The following NOL8 variants were observed in gnomAD, a reference collection of about 807,000 sequenced individuals.
NOL8 encodes nucleolar protein 8, also known as nucleolar protein Nop132.
Under a neutral mutation model 116.1 loss-of-function variants are expected in NOL8, and 93 were observed. The observed-to-expected ratio is 0.80, with a 90% CI of 0.68 to 0.95. NOL8 has a LOEUF of 0.95. NOL8 is among the 40% of genes least tolerant of loss of function. The pLI is 0.00. For missense variants in NOL8, 1,291 were observed against 1,382.8 expected, an observed-to-expected ratio of 0.93 and a Z score of 1.05; for synonymous variants, 419 against 469.0, an observed-to-expected ratio of 0.89 and a Z score of 1.38.
chr9:92,302,124 T>C (rs1303887964), intron 12 of NOL8, among the ~76,000 whole-genome samples: 1 of 152,124 alleles, frequency 6.6e-6, no homozygotes, highest in Non-Finnish European at 1.5e-5. Flanking sequence ...TACACCTAGG[T>C]ATAAGTAAGG....
chr9:92,320,970 T>C (rs1481309322), intron 4 of NOL8, among the ~76,000 whole-genome samples: 1 of 152,244 alleles, frequency 6.6e-6, no homozygotes, highest in East Asian at 1.9e-4. Flanking sequence ...CTTTTCTTCC[T>C]GAAAATACCT....
intron 9 of NOL8, 87 bp downstream of exon 9, chr9:92,310,466 A>C: frequency 7.0e-7 from 1 of 1,429,052 alleles, no homozygotes; most frequent in East Asian, 2.3e-5. Flanking sequence ...ATGTAGGTTA[A>C]GGTCTGCCTG....
At chr9:92,306,196 G>T (rs969671500) in intron 11 of NOL8, among the ~76,000 whole-genome samples, 1 of 152,084 alleles carries the variant, frequency 6.6e-6, no homozygotes, top group Non-Finnish European at 1.5e-5. Context: ...GTTTCACCAT[G>T]TTGGCCAGGC....
At chr9:92,301,247 CTT>C (rs1393210563) in intron 13 of NOL8, among the ~76,000 whole-genome samples, 9 of 152,212 alleles carry the variant, frequency 5.9e-5, no homozygotes, top group African/African-American at 2.2e-4. Context: ...ATACAAAGCT[CTT>C]TATGTGATTT....
At chr9:92,317,205 C>A (rs1021635324) in intron 6 of NOL8, among the ~76,000 whole-genome samples, 2 of 152,174 alleles carry the variant, frequency 1.3e-5, no homozygotes, top group Non-Finnish European at 2.9e-5. Flanking sequence ...TCAAGTGATC[C>A]CCCAGTGGCC....
rs575444713 is a variant in NOL8 at position 92,306,288 on chromosome 9, C to T, written c.2826-458G>A. ...GGATCACAGGTGTGAGCCACCATGC[C>T]CAGCCGAAAAAATATTTTAAACTAC... On this transcript the variant is annotated intron_variant, in intron 11 of 16. Coordinates refer to ENST00000442668, the MANE Select transcript of NOL8 (RefSeq NM_017948.6). 3.3e-4 allele frequency among the ~76,000 whole-genome samples: 51 copies of T among 152,262 alleles called. 1 individual carries two copies. Among genetic ancestry groups the T allele is most frequent in the South Asian group, 8.3e-4 (4 of 4,828 alleles).
At position 92,305,780 on chromosome 9, in the gene NOL8, C is replaced by T. The variant is rs370385025; in HGVS notation, c.2876G>A (p.Arg959Lys). Residue 959 changes from arginine (R) to lysine (K), a missense_variant, in exon 12 of 17, where the codon AGA becomes AAA. Coordinates refer to ENST00000442668, the MANE Select transcript of NOL8 (RefSeq NM_017948.6). ...PTKQDHATYE[R>K]KRDDKPKESK... ...TTCTTTTGGCTTATCATCTCTTTTT[C>T]TTTCGTAAGTGGCATGGTCTTGCTT... 1.1e-4 allele frequency: 172 copies of T among 1,612,076 alleles called. No homozygotes were observed. The African/African-American group carries it at 2.1e-3, about 20-fold the overall frequency.
At chr9:92,298,438 C>G in intron 15 of NOL8, 102 bp from the exon 16 acceptor site, 1 of 654,532 alleles carries the variant, frequency 1.5e-6, no homozygotes, top group Non-Finnish European at 2.6e-6. Flanking sequence ...CAGTTAAGAT[C>G]ATTCTTTTCC....
In NOL8 at chr9:92,314,571, C is replaced by A; in HGVS notation, c.2054G>T (p.Ser685Ile). ...PLEGKKSLSL[S>I]AKTHNIGFDK... Reference sequence around the variant, plus strand: ...AAAGCCTATGTTGTGAGTCTTTGCACTAAGACTTAAGGACTTCTTACCTTC... The same window carrying A: ...AAAGCCTATGTTGTGAGTCTTTGCAATAAGACTTAAGGACTTCTTACCTTC... The change falls in exon 7 of 17, where the codon AGT (serine) becomes ATT (isoleucine). Residue 685 changes from serine to isoleucine, a missense_variant. Physicochemically the swap from Ser to Ile is moderately radical, Grantham distance 142. Coordinates refer to ENST00000442668, the MANE Select transcript of NOL8 (RefSeq NM_017948.6). 6.2e-7 allele frequency: 1 copy of A among 1,613,206 alleles called. No individual in the cohort carries two copies. Among genetic ancestry groups the A allele is most frequent in the Non-Finnish European group, 8.5e-7 (1 of 1,179,490 alleles).
At position 92,310,157 on chromosome 9, in the gene NOL8, A is replaced by C; in HGVS notation, c.2686+14T>G. 5 of 1,582,176 alleles carry C rather than the reference A, an allele frequency of 3.2e-6. No homozygotes were observed. Among genetic ancestry groups the C allele is most frequent in the Non-Finnish European group, 4.3e-6 (5 of 1,159,498 alleles). On this transcript the variant is annotated intron_variant, in intron 10 of 16. Transcript: ENST00000442668. ...CAGATATGACATCAGGACTCTGGAC[A>C]ATGAAGCATTTACCTTCCTGTTCCT...
intron 6 of NOL8, among the ~76,000 whole-genome samples, chr9:92,316,754 G>A (rs567501919): frequency 8.3e-4 from 126 of 152,130 alleles, no homozygotes; most frequent in African/African-American, 2.7e-3. Flanking sequence ...CCAGGAGTTC[G>A]AGACCAGCCT....
At chr9:92,309,981 A>C (rs1413164574) in intron 10 of NOL8, among the ~76,000 whole-genome samples, 190 bp downstream of exon 10, 1 of 152,148 alleles carries the variant, frequency 6.6e-6, no homozygotes, top group Non-Finnish European at 1.5e-5. Context: ...TGGCAGCTCT[A>C]AGTAATTAAA....
intron 9 of NOL8, 42 bp downstream of exon 9, chr9:92,310,511 A>C (rs1564218128): frequency 6.4e-7 from 1 of 1,561,332 alleles, no homozygotes; most frequent in East Asian, 2.2e-5. Flanking sequence ...GTCAAAAAAT[A>C]AGGACATGCT....
chr9:92,314,204 A>G, intron 7 of NOL8, 63 bp downstream of exon 7: 1 of 1,498,114 alleles, frequency 6.7e-7, no homozygotes, highest in East Asian at 2.3e-5. Flanking sequence ...ACCTAACTTC[A>G]TGGGAAAGAA....
rs767951176 is a variant in NOL8, at chr9:92,301,763, T to C, written c.2963A>G (p.Glu988Gly). The C allele has an allele frequency of 1.2e-5, 19 of 1,602,000 alleles. No individual in the cohort carries two copies. The highest frequency in any genetic ancestry group is 1.4e-5 in the Non-Finnish European group (17 of 1,174,590). ...EAEKLPEVSK[E>G]MYYNIAMDLK... ...ATCCATAGCAATATTATAATACATT[T>C]CTTTAGACACCTCAGGTAGTTTCTC... is the stretch of plus-strand genomic sequence containing the variant. The change falls in exon 13 of 17, where the codon GAA becomes GGA. Residue 988 changes from glutamate to glycine, a missense_variant. By Grantham distance (98) the Glu-to-Gly change is moderately conservative. Transcript: ENST00000442668.
Position 92,315,263 on chromosome 9 carries a change from A to G in NOL8, c.1362T>C (p.Ser454=). The change falls in exon 7 of 17, where the codon AGT becomes AGC. Residue 454 remains serine, a synonymous_variant. Coordinates refer to ENST00000442668, the MANE Select transcript of NOL8 (RefSeq NM_017948.6). ...SLNRKSPSHS[S]SSEDADSASE... Reference sequence around the variant, plus strand: ...ATGCAGAATCAGCATCTTCACTGCTACTGGAGTGAGAGGGAGATTTACGAT... The same window carrying G: ...ATGCAGAATCAGCATCTTCACTGCTGCTGGAGTGAGAGGGAGATTTACGAT... The G allele has an allele frequency of 6.2e-7, 1 of 1,613,686 alleles. No individual in the cohort carries two copies. The highest frequency in any genetic ancestry group is 1.1e-5 in the South Asian group (1 of 91,060).
chr9:92,322,658 A>G (rs568531693), intron 3 of NOL8, among the ~76,000 whole-genome samples: 1 of 152,350 alleles, frequency 6.6e-6, no homozygotes, highest in Admixed American at 6.5e-5. Context: ...TCTCACAGAA[A>G]TATTATGAGG....
In NOL8 at chr9:92,298,242, G is replaced by A; in HGVS notation, c.3453+15C>T. On this transcript the variant is annotated intron_variant, in intron 16 of 16. Coordinates refer to ENST00000442668, the MANE Select transcript of NOL8 (RefSeq NM_017948.6). ...TGTCTATTTTAGGAAATAATATGGA[G>A]AAACAATTACTCACCATACGCAGGT... The A allele has an allele frequency of 6.3e-7, 1 of 1,579,674 alleles. No individual in the cohort carries two copies. Among genetic ancestry groups the A allele is most frequent in the Non-Finnish European group, 8.6e-7 (1 of 1,157,184 alleles).
intron 6 of NOL8, among the ~76,000 whole-genome samples, chr9:92,317,878 C>CA (rs1295062769): frequency 1.3e-5 from 2 of 150,678 alleles, no homozygotes; most frequent in Non-Finnish European, 3.0e-5. Context: ...AGTAAAAATA[C>CA]AAAAAAATTA....
Sources: allele counts gnomAD v4.1 joint callset (sites outside exome capture counted in the v4.1 genomes callset), GRCh38; gene constraint gnomAD v4.1.1; transcripts MANE v1.5; gene names NCBI Gene and HGNC (gene_info 2026-07-23, HGNC 2026-07-21).